Variants in PCP4 observed in about 807,000 individuals in gnomAD.
PCP4 encodes the protein Purkinje cell protein 4.
In PCP4, 8 loss-of-function variants were observed where a neutral mutation model predicts 10.0. The ratio of observed to expected loss-of-function variants is 0.80; its 90% CI spans 0.47 to 1.45. The LOEUF (loss-of-function observed/expected upper bound fraction) is 1.45. Among genes scored for constraint, PCP4 ranks in the 40% most tolerant of loss-of-function variants. PCP4 has a pLI of 0.00. For synonymous variants in PCP4, 21 were observed against 23.0 expected, an observed-to-expected ratio of 0.91 and a Z score of 0.24; for missense variants, 54 against 74.4, an observed-to-expected ratio of 0.73 and a Z score of 1.01.
At chr21:39,901,870 T>C (rs1266155712) in intron 2 of PCP4, among the ~76,000 whole-genome samples, 1 of 152,170 alleles carries the variant, frequency 6.6e-6, no homozygotes, top group Non-Finnish European at 1.5e-5. Flanking sequence ...CTTTTGCCTT[T>C]AAAAAGGAGC....
chr21:39,926,662 C>T lies in PCP4; in HGVS notation c.62-2322C>T, dbSNP rs2087622851. On this transcript the variant is annotated intron_variant, in intron 2 of 2. Transcript: ENST00000328619. ...TTATTGGTACAAAAGGGTTTATTGC[C>T]ATGAGCACAAACACTGGAGCCATTT... Among the ~76,000 whole-genome samples the T allele has an allele frequency of 2.0e-5, 3 of 152,206 alleles. 1 individual carries two copies. The South Asian group carries it at 6.2e-4, about 31-fold the overall frequency.
At chr21:39,884,727 G>A (rs1434991761) in intron 1 of PCP4, among the ~76,000 whole-genome samples, 1 of 152,030 alleles carries the variant, frequency 6.6e-6, no homozygotes, top group Non-Finnish European at 1.5e-5. Flanking sequence ...AACCCAAGGA[G>A]GCAGAGGTTG....
chr21:39,910,241 C>G (rs73215388), intron 2 of PCP4, among the ~76,000 whole-genome samples: 5,873 of 152,284 alleles, frequency 0.039, 158 homozygotes, highest in Middle Eastern at 0.065. Context: ...TCACTTCAGA[C>G]TCCAGTTGCT....
chr21:39,896,718 T>A (rs919648481), intron 1 of PCP4, among the ~76,000 whole-genome samples: 8 of 152,198 alleles, frequency 5.3e-5, no homozygotes, highest in Non-Finnish European at 2.9e-5. Flanking sequence ...TATTTATACC[T>A]CTCAGATTCT....
In PCP4 at chr21:39,868,581, C is replaced by A. The variant is rs79129616; in HGVS notation, c.9+1071C>A. 1.4e-3 allele frequency among the ~76,000 whole-genome samples: 209 copies of A among 152,290 alleles called. 1 individual carries two copies. Among genetic ancestry groups the A allele is most frequent in the African/African-American group, 4.9e-3 (204 of 41,550 alleles). The stretch of plus-strand genomic sequence containing the variant: ...ATGGGAATTCTCCCACCACCACAAT[C>A]AATGGTACCTGTAACAGCAGCTAAC... On this transcript the variant is annotated intron_variant, in intron 1 of 2. Coordinates refer to ENST00000328619, the MANE Select transcript of PCP4 (RefSeq NM_006198.3).
rs1045269471 is a variant in PCP4, at chr21:39,906,897, G to C, written c.61+8370G>C. ...GTTTCAAATGTTTCAGGTTCTGCTT[G>C]TCAATTACTTTTATGGAAATAGTAT... On this transcript the variant is annotated intron_variant, in intron 2 of 2. Transcript: ENST00000328619. The surrounding 1 kb of genome is among the most constrained non-coding windows in gnomAD (Gnocchi z 6.3). Among the ~76,000 whole-genome samples the C allele has an allele frequency of 6.6e-6, 1 of 152,102 alleles. No individual in the cohort carries two copies. Among genetic ancestry groups the C allele is most frequent in the South Asian group, 2.1e-4 (1 of 4,822 alleles).
Position 39,906,410 on chromosome 21 carries a change from G to A in PCP4, c.61+7883G>A, listed in dbSNP as rs949890610. On this transcript the variant is annotated intron_variant, in intron 2 of 2. Transcript: ENST00000328619. The surrounding 1 kb of genome is among the most constrained non-coding windows in gnomAD (Gnocchi z 6.3). ...TTAGTTAACTAGCCTCTGGCAAATA[G>A]GGGTGATCTCAGACTAATAATAGGG... Among the ~76,000 whole-genome samples the A allele has an allele frequency of 1.3e-5, 2 of 152,168 alleles. No individual in the cohort carries two copies. Among genetic ancestry groups the A allele is most frequent in the African/African-American group, 2.4e-5 (1 of 41,452 alleles).
In PCP4 at chr21:39,884,689, C is replaced by T. The variant is rs556822606; in HGVS notation, c.10-13787C>T. 3.9e-5 allele frequency among the ~76,000 whole-genome samples: 6 copies of T among 151,912 alleles called. No homozygotes were observed. The South Asian group carries it at 6.2e-4, about 16-fold the overall frequency. The stretch of plus-strand genomic sequence containing the variant: ...GCATGTGCCTGTAATCCCAGCTACT[C>T]GGGAGGCTGAGACAGGACAATTGCT... On this transcript the variant is annotated intron_variant, in intron 1 of 2. Transcript: ENST00000328619.
At chr21:39,924,187 C>T (rs1350398707) in intron 2 of PCP4, among the ~76,000 whole-genome samples, 1 of 152,202 alleles carries the variant, frequency 6.6e-6, no homozygotes, top group Non-Finnish European at 1.5e-5. Flanking sequence ...GCCCACGTCC[C>T]CTTCACTGGC....
At chr21:39,911,504 A>G (rs2087539871) in intron 2 of PCP4, among the ~76,000 whole-genome samples, 1 of 152,220 alleles carries the variant, frequency 6.6e-6, no homozygotes, top group East Asian at 1.9e-4. Context: ...GGCAATTGGC[A>G]TACATGAAAT....
In PCP4 at chr21:39,906,504, A is replaced by AC. The variant is rs2087510794; in HGVS notation, c.61+7979dup. 6.6e-6 allele frequency among the ~76,000 whole-genome samples: 1 copy of AC among 151,978 alleles called. No individual in the cohort carries two copies. Among genetic ancestry groups the AC allele is most frequent in the East Asian group, 1.9e-4 (1 of 5,186 alleles). Reference sequence around the variant, plus strand: ...TTCATTTATAGCCTCTTCATATTTCACCTGCCCTCTTCCTCACCCTTTCTC... The same window carrying AC: ...TTCATTTATAGCCTCTTCATATTTCACCCTGCCCTCTTCCTCACCCTTTCTC... On this transcript the variant is annotated intron_variant, in intron 2 of 2. Coordinates refer to ENST00000328619, the MANE Select transcript of PCP4 (RefSeq NM_006198.3). The surrounding 1 kb of genome is among the most constrained non-coding windows in gnomAD (Gnocchi z 6.3).
intron 2 of PCP4, among the ~76,000 whole-genome samples, chr21:39,911,600 C>T (rs187976144): frequency 1.1e-3 from 168 of 152,360 alleles, no homozygotes; most frequent in Non-Finnish European, 2.1e-3. Flanking sequence ...GCCTCGTCAA[C>T]GTGACCTGGT....
chr21:39,910,495 A>G (rs183527805), intron 2 of PCP4, among the ~76,000 whole-genome samples: 1 of 152,164 alleles, frequency 6.6e-6, no homozygotes, highest in African/African-American at 2.4e-5. Context: ...AAGTGTTTTT[A>G]TAGTGAGCTT....
chr21:39,918,296 G>A (rs1334795332), intron 2 of PCP4, among the ~76,000 whole-genome samples: 1 of 152,122 alleles, frequency 6.6e-6, no homozygotes, highest in East Asian at 1.9e-4. Context: ...CGATAAGCAT[G>A]GATTTGTGCT....
chr21:39,870,112 G>A (rs375213763), intron 1 of PCP4, among the ~76,000 whole-genome samples: 19 of 152,340 alleles, frequency 1.2e-4, no homozygotes, highest in East Asian at 9.6e-4. Context: ...AGGCCTCCCC[G>A]CCTTTAAGGG....
At chr21:39,870,277 A>G (rs138168504) in intron 1 of PCP4, among the ~76,000 whole-genome samples, 7 of 152,360 alleles carry the variant, frequency 4.6e-5, no homozygotes, top group African/African-American at 1.2e-4. Flanking sequence ...CGAGGAAAGT[A>G]AAGTCCAAAT....
At chr21:39,911,916 A>G (rs540602102) in intron 2 of PCP4, among the ~76,000 whole-genome samples, 2 of 152,216 alleles carry the variant, frequency 1.3e-5, no homozygotes, top group Non-Finnish European at 2.9e-5. Flanking sequence ...GAACAAAACT[A>G]TAAAACGTTG....
chr21:39,879,870 C>A (rs1163216796), intron 1 of PCP4, among the ~76,000 whole-genome samples: 1 of 152,088 alleles, frequency 6.6e-6, no homozygotes, highest in Non-Finnish European at 1.5e-5. Flanking sequence ...AATACGATGC[C>A]CCTTGTTAAA....
chr21:39,893,248 G>T (rs1056529237), intron 1 of PCP4, among the ~76,000 whole-genome samples: 1 of 152,092 alleles, frequency 6.6e-6, no homozygotes, highest in African/African-American at 2.4e-5. Flanking sequence ...CTACTTTCCT[G>T]CAGATCTTGG....
Sources: gnomAD v4.1 joint callset for allele counts (sites outside exome capture counted in the v4.1 genomes callset) on GRCh38, gnomAD v4.1.1 for gene constraint, Gnocchi (gnomAD v3.1) non-coding constraint, MANE v1.5 for transcripts, NCBI Gene and HGNC (gene_info 2026-07-23, HGNC 2026-07-21) for gene names.